The following LAMA3 variants were observed in gnomAD, a reference collection of about 807,000 sequenced individuals.
LAMA3 encodes laminin subunit alpha-3.
A neutral mutation model predicts 402.0 loss-of-function variants in LAMA3; 281 were observed. The ratio of observed to expected loss-of-function variants is 0.70; its 90% CI spans 0.63 to 0.77. The LOEUF is 0.77. Ranked by LOEUF, LAMA3 falls within the 30% of genes least tolerant of loss-of-function variation. The pLI, the probability that LAMA3 is intolerant of heterozygous loss-of-function variation, is 0.00. For synonymous variants in LAMA3, 1,431 were observed against 1,558.4 expected (o/e 0.92, Z 1.93); for missense variants, 3,840 against 4,215.5 (o/e 0.91, Z 2.47).
At chr18:23,796,949 G>C (rs898286306) in intron 12 of LAMA3, among the ~76,000 whole-genome samples, 21 of 152,276 alleles carry the variant, frequency 1.4e-4, no homozygotes, top group Non-Finnish European at 3.1e-4. Flanking sequence ...GCCTCTCAGA[G>C]AGGGACTGGA....
At position 23,777,632 on chromosome 18, in the gene LAMA3, C is replaced by T. The variant is rs778247256; in HGVS notation, c.1468+13C>T. On this transcript the variant is annotated intron_variant, in intron 11 of 74. Coordinates refer to ENST00000313654, the MANE Select transcript of LAMA3 (RefSeq NM_198129.4). ...GGAGATATAAAAGGCAAGTAACCTCCCTTTTGGTTTAACTCCAGTGAAAAT... is the reference window on the plus strand; with the variant it reads ...GGAGATATAAAAGGCAAGTAACCTCTCTTTTGGTTTAACTCCAGTGAAAAT... The T allele has an allele frequency of 2.5e-6, 4 of 1,594,710 alleles. No homozygotes were observed. The Admixed American group carries it at 6.7e-5, about 27-fold the overall frequency.
Position 23,689,903 on chromosome 18 carries a change from G to C in LAMA3, c.220G>C (p.Gly74Arg). The C allele has an allele frequency of 6.5e-7, 1 of 1,536,336 alleles. No homozygotes were observed. The highest frequency in any genetic ancestry group is 2.0e-5 in the Admixed American group (1 of 49,956). Residue 74 changes from glycine (G) to arginine (R), a missense_variant, in exon 1 of 75, where the codon GGG becomes CGG. Gly to Arg is a moderately radical substitution (Grantham distance 125). This residue lies in a region of LAMA3 where 2,109 missense variants were observed against 2,376.0 expected (regional missense o/e 0.89). Transcript: ENST00000313654. ...ATCGERGPGE[G>R]RPQPELYCKL... ...CTGCGGGGAGAGGGGACCCGGCGAGGGGAGGCCCCAGCCCGAGCTCTACTG... is the reference window on the plus strand; with the variant it reads ...CTGCGGGGAGAGGGGACCCGGCGAGCGGAGGCCCCAGCCCGAGCTCTACTG...
chr18:23,817,926 G>A (rs1472906011), intron 18 of LAMA3, among the ~76,000 whole-genome samples: 1 of 152,130 alleles, frequency 6.6e-6, no homozygotes, highest in Non-Finnish European at 1.5e-5. Flanking sequence ...GGCCGAGGTG[G>A]GCGGATCACC....
intron 12 of LAMA3, among the ~76,000 whole-genome samples, chr18:23,806,832 C>G (rs759150230): frequency 2.0e-5 from 3 of 152,190 alleles, no homozygotes; most frequent in Non-Finnish European, 2.9e-5. Context: ...GGCATAGAAA[C>G]TTTCAGGTCA....
rs765318075 is a variant in LAMA3, at chr18:23,902,986, C to A, written c.6202-23C>A. The A allele has an allele frequency of 8.5e-6, 12 of 1,408,238 alleles. No homozygotes were observed. The African/African-American group carries it at 1.6e-4, about 18-fold the overall frequency. 87.2% of individuals were successfully genotyped at this position (1,408,238 alleles called of 1,614,324 possible). A position where few individuals can be genotyped will look rare whatever the true frequency, so the allele number is the denominator to read the frequency against. On this transcript the variant is annotated intron_variant, in intron 48 of 74. Transcript: ENST00000313654. Reference sequence around the variant, plus strand: ...CTGATAATATATCATAGAGCTCAAGCAATTTTTTTTTATTTTCTCCAGAGA... The same window carrying A: ...CTGATAATATATCATAGAGCTCAAGAAATTTTTTTTTATTTTCTCCAGAGA...
chr18:23,853,847 A>T (rs1415352293), intron 32 of LAMA3, among the ~76,000 whole-genome samples: 1 of 152,186 alleles, frequency 6.6e-6, no homozygotes, highest in African/African-American at 2.4e-5. Context: ...ATTTTAAAGG[A>T]TGTTCAGCCA....
intron 23 of LAMA3, 27 bp from the exon 24 acceptor site, chr18:23,833,801 A>G (rs1489171961): frequency 3.1e-6 from 5 of 1,612,082 alleles, no homozygotes; most frequent in Non-Finnish European, 4.2e-6. Flanking sequence ...GCTGGATCAC[A>G]GTCTGTCTGC....
chr18:23,884,125 A>C (rs997749649), intron 40 of LAMA3, among the ~76,000 whole-genome samples: 1 of 149,568 alleles, frequency 6.7e-6, no homozygotes, highest in Non-Finnish European at 1.5e-5. Flanking sequence ...AAATATCATC[A>C]CTTATTGCTT....
chr18:23,717,406 T>C (rs975000759), intron 2 of LAMA3, among the ~76,000 whole-genome samples: 3 of 152,184 alleles, frequency 2.0e-5, no homozygotes, highest in African/African-American at 7.2e-5. Context: ...AAATTTGATT[T>C]TGATGTGCTG....
chr18:23,881,779 G>C (rs1460289081), intron 39 of LAMA3, among the ~76,000 whole-genome samples, 157 bp from the exon 40 acceptor site: 1 of 152,174 alleles, frequency 6.6e-6, no homozygotes, highest in African/African-American at 2.4e-5. Context: ...CACCAGCAAT[G>C]ATTAGAGGGA....
chr18:23,760,825 G>A (rs754541890), intron 7 of LAMA3, among the ~76,000 whole-genome samples: 5 of 152,134 alleles, frequency 3.3e-5, no homozygotes, highest in African/African-American at 4.8e-5. Context: ...CAGCAGATTC[G>A]GTGTCTGGTG....
chr18:23,843,647 T>C (rs547283081), intron 29 of LAMA3, among the ~76,000 whole-genome samples: 1 of 152,318 alleles, frequency 6.6e-6, no homozygotes, highest in African/African-American at 2.4e-5. Context: ...GATTAGAGCA[T>C]GCCCTGTGAC....
intron 39 of LAMA3, among the ~76,000 whole-genome samples, chr18:23,877,296 A>G (rs2064754302): frequency 6.6e-6 from 1 of 152,216 alleles, no homozygotes; most frequent in South Asian, 2.1e-4. Flanking sequence ...AATATTTTAT[A>G]AAATTCTTCT....
intron 10 of LAMA3, 24 bp from the exon 11 acceptor site, chr18:23,777,533 T>A (rs1475562152): frequency 6.6e-7 from 1 of 1,510,120 alleles, no homozygotes; most frequent in Middle Eastern, 1.7e-4. Context: ...ATCCTCTGTA[T>A]TTTTTAATAA....
chr18:23,847,711 T>C (rs2063850542), intron 32 of LAMA3, 43 bp downstream of exon 32: 1 of 1,570,514 alleles, frequency 6.4e-7, no homozygotes, highest in Non-Finnish European at 8.7e-7. Flanking sequence ...CACAGGGAGG[T>C]CGCGTGCCAT....
chr18:23,862,672 A>G (rs1371753419), intron 35 of LAMA3, among the ~76,000 whole-genome samples: 2 of 152,182 alleles, frequency 1.3e-5, no homozygotes, highest in East Asian at 3.9e-4. Flanking sequence ...CCATGTGTTG[A>G]TTATCTATTG....
Position 23,929,183 on chromosome 18 carries a change from C to T in LAMA3, c.8436+418C>T, listed in dbSNP as rs112334442. ...TCTCCAGATTGCCTTTTTGCAGCAG[C>T]AGCAGCAGCAGCTAGTTGGACAATA... is the stretch of plus-strand genomic sequence containing the variant. On this transcript the variant is annotated intron_variant, in intron 64 of 74. Transcript: ENST00000313654. 3.2e-3 allele frequency among the ~76,000 whole-genome samples: 489 copies of T among 152,276 alleles called. 2 individuals carry two copies. The highest frequency in any genetic ancestry group is 0.011 in the African/African-American group (470 of 41,532).
At chr18:23,905,948 A>G (rs749135964) in intron 52 of LAMA3, among the ~76,000 whole-genome samples, 15 of 151,970 alleles carry the variant, frequency 9.9e-5, no homozygotes, top group Admixed American at 7.2e-4. Context: ...TATTTTTTTT[A>G]GAGGCAAGGT....
At chr18:23,935,736 G>T (rs1027009718) in intron 67 of LAMA3, among the ~76,000 whole-genome samples, 4 of 152,116 alleles carry the variant, frequency 2.6e-5, no homozygotes, top group Non-Finnish European at 4.4e-5. Flanking sequence ...TTAGAAAAGT[G>T]CCTGGCACAT....
Sources: allele counts gnomAD v4.1 joint callset (sites outside exome capture counted in the v4.1 genomes callset), GRCh38; gene constraint gnomAD v4.1.1; regional missense constraint gnomAD v4.1.1; transcripts MANE v1.5; gene names NCBI Gene and HGNC (gene_info 2026-07-23, HGNC 2026-07-21).